LCOR: variants seen among roughly 807,000 people sequenced by gnomAD.
The protein encoded by LCOR is ligand dependent nuclear receptor corepressor, also known as ligand-dependent corepressor.
A neutral mutation model predicts 64.4 loss-of-function variants in LCOR; 14 were observed. That is an observed-to-expected ratio of 0.22 (90% CI 0.14 to 0.34). The LOEUF (loss-of-function observed/expected upper bound fraction) is 0.34. LCOR is among the 10% of genes least tolerant of loss of function. The pLI is 1.00. For synonymous variants in LCOR, 643 were observed against 642.5 expected (o/e 1.00, Z -0.01); for missense variants, 1,686 against 1,765.3 (o/e 0.96, Z 0.80).
In LCOR at chr10:96,983,454, C is replaced by T; in HGVS notation, c.2994C>T (p.Asn998=). ...CTGTGAATGAGGTAGACAACGAAAA[C>T]ACCCAGCAGAAAGATGATGAGAGTG... ...EEAVNEVDNE[N]TQQKDDESDA... Residue 998 remains asparagine, a synonymous_variant, in exon 8 of 8, where the codon AAC becomes AAT. Transcript: ENST00000421806. This position sits in a 1 kb window ranked among gnomAD's most constrained non-coding sequence, Gnocchi z 4.5. 10 of 1,614,116 alleles carry T rather than the reference C, an allele frequency of 6.2e-6. No individual in the cohort carries two copies. The highest frequency in any genetic ancestry group is 8.5e-6 in the Non-Finnish European group (10 of 1,180,026).
chr10:96,855,497 C>T (rs913521035), intron 2 of LCOR, among the ~76,000 whole-genome samples: 1 of 151,878 alleles, frequency 6.6e-6, no homozygotes, highest in African/African-American at 2.4e-5. Context: ...TGCAATGACG[C>T]GATCTTGGCT....
chr10:96,907,629 T>G, intron 3 of LCOR, 39 bp from the exon 4 acceptor site: 2 of 757,536 alleles, frequency 2.6e-6, no homozygotes, highest in Non-Finnish European at 3.2e-6. Context: ...TTCCTAAAAA[T>G]TCTCTTTTAT....
intron 4 of LCOR, among the ~76,000 whole-genome samples, chr10:96,931,611 T>G (rs1446490355): frequency 6.6e-6 from 1 of 152,178 alleles, no homozygotes; most frequent in Admixed American, 6.5e-5. Context: ...AAGAAATTAC[T>G]TAAAGGATAT....
chr10:96,856,622 T>A (rs945064836), intron 2 of LCOR, among the ~76,000 whole-genome samples: 1 of 152,024 alleles, frequency 6.6e-6, no homozygotes, highest in African/African-American at 2.4e-5. Flanking sequence ...ACCACAGGCA[T>A]GTACCATCAT....
chr10:96,915,242 C>A (rs540102608), intron 4 of LCOR, among the ~76,000 whole-genome samples: 1 of 152,152 alleles, frequency 6.6e-6, no homozygotes, highest in Admixed American at 6.5e-5. Context: ...GTAAATAAGC[C>A]GGGCACGGAG....
intron 2 of LCOR, among the ~76,000 whole-genome samples, chr10:96,887,621 A>G (rs868101339): frequency 1.3e-5 from 2 of 152,008 alleles, no homozygotes; most frequent in Non-Finnish European, 2.9e-5. Flanking sequence ...ATTCTATGCA[A>G]TGCAATGGAA....
intron 7 of LCOR, among the ~76,000 whole-genome samples, chr10:96,952,474 AATT>A (rs1847698228): frequency 6.6e-6 from 1 of 152,192 alleles, no homozygotes; most frequent in African/African-American, 2.4e-5. Context: ...ATACTCAAAT[AATT>A]CTAAAGTTTA....
intron 7 of LCOR, among the ~76,000 whole-genome samples, chr10:96,971,569 AACTACCTAATGCAGC>A (rs1847999824): frequency 6.6e-6 from 1 of 152,184 alleles, no homozygotes; most frequent in Non-Finnish European, 1.5e-5. Flanking sequence ...GTAGAGGAGA[AACTACCTAATGCAGC>A]ACCAGGGACA....
chr10:96,954,216 TACTCATGTATCTGCA>T (rs1202588356), intron 7 of LCOR, among the ~76,000 whole-genome samples: 5 of 152,206 alleles, frequency 3.3e-5, no homozygotes, highest in African/African-American at 1.2e-4. Context: ...AAAATCATGA[TACTCATGTATCTGCA>T]ACTAGTAGTG....
At chr10:96,841,956 C>G (rs934651715) in intron 2 of LCOR, among the ~76,000 whole-genome samples, 1 of 151,664 alleles carries the variant, frequency 6.6e-6, no homozygotes, top group African/African-American at 2.4e-5. Flanking sequence ...TGTTTTTGAT[C>G]TCATGATTAG....
intron 6 of LCOR, among the ~76,000 whole-genome samples, chr10:96,949,778 T>C (rs1847646782): frequency 6.6e-6 from 1 of 152,122 alleles, no homozygotes; most frequent in South Asian, 2.1e-4. Flanking sequence ...GGGTTACAAA[T>C]AGAGAAAGCA....
chr10:96,973,562 A>AT (rs762468815), intron 7 of LCOR, among the ~76,000 whole-genome samples: 3 of 152,158 alleles, frequency 2.0e-5, no homozygotes, highest in Non-Finnish European at 4.4e-5. Flanking sequence ...ACAATTTCAG[A>AT]TTATTGTCTG....
Position 96,982,639 on chromosome 10 carries a change from C to A in LCOR, c.2179C>A (p.Gln727Lys). The A allele has an allele frequency of 1.9e-6, 3 of 1,614,136 alleles. No homozygotes were observed. Among genetic ancestry groups the A allele is most frequent in the South Asian group, 2.2e-5 (2 of 91,076 alleles). ...GAGTCTGGGAAAGGCTGAGGACAAC[C>A]AAAGCATCAGTGCTGAGGTTGAGTC... is the stretch of plus-strand genomic sequence containing the variant. ...PMSLGKAEDNQSISAEVESGD... is the reference protein window; with the variant it reads ...PMSLGKAEDNKSISAEVESGD... Residue 727 changes from glutamine to lysine, a missense_variant, in exon 8 of 8, where the codon CAA (glutamine) becomes AAA (lysine). Transcript: ENST00000421806.
chr10:96,849,059 G>GTTTTTT (rs1564601890), intron 2 of LCOR, among the ~76,000 whole-genome samples: 2 of 21,782 alleles, frequency 9.2e-5, no homozygotes, highest in Non-Finnish European at 1.1e-4. Flanking sequence ...CTGGCTAATT[G>GTTTTTT]TCTTTTTTTT....
intron 2 of LCOR, among the ~76,000 whole-genome samples, chr10:96,847,048 G>A (rs1463618584): frequency 2.6e-5 from 4 of 152,062 alleles, no homozygotes; most frequent in Non-Finnish European, 4.4e-5. Context: ...TTCAAGACCA[G>A]CCTGTGCTGC....
At chr10:96,932,988 A>G (rs1847288341) in intron 4 of LCOR, among the ~76,000 whole-genome samples, 1 of 152,258 alleles carries the variant, frequency 6.6e-6, no homozygotes, top group Admixed American at 6.5e-5. Flanking sequence ...TAAAATGCAC[A>G]GTTATAGTAA....
In LCOR at chr10:96,887,420, G is replaced by A. The variant is rs1049837610; in HGVS notation, c.-329-19845G>A. Reference sequence around the variant, plus strand: ...CTACTAAAAATACAAAAAATTAGCCGGGCGTCGTGGCGGGCGCCTGTAGTC... The same window carrying A: ...CTACTAAAAATACAAAAAATTAGCCAGGCGTCGTGGCGGGCGCCTGTAGTC... On this transcript the variant is annotated intron_variant, in intron 2 of 7. Coordinates refer to ENST00000421806, the MANE Select transcript of LCOR (RefSeq NM_001346516.2). 5.3e-5 allele frequency among the ~76,000 whole-genome samples: 8 copies of A among 151,942 alleles called. No homozygotes were observed. The South Asian group carries it at 8.3e-4, about 16-fold the overall frequency.
chr10:96,882,649 C>CTA (rs1245173721), intron 2 of LCOR, among the ~76,000 whole-genome samples: 2 of 152,138 alleles, frequency 1.3e-5, no homozygotes, highest in East Asian at 3.8e-4. Flanking sequence ...GTTGTATATT[C>CTA]TATGGGTTTT....
chr10:96,933,180 G>A lies in LCOR; in HGVS notation c.-183-10933G>A, dbSNP rs561929226. Among the ~76,000 whole-genome samples the A allele has an allele frequency of 2.0e-5, 3 of 152,212 alleles. No individual in the cohort carries two copies. In the South Asian group the frequency reaches 6.2e-4, roughly 32 times the overall value. On this transcript the variant is annotated intron_variant, in intron 4 of 7. Coordinates refer to ENST00000421806, the MANE Select transcript of LCOR (RefSeq NM_001346516.2). ...ATATGTCTGCGTATGTGTTTTTTAGGGGAATATATCAAATGATTGGCAGTT... is the reference window on the plus strand; with the variant it reads ...ATATGTCTGCGTATGTGTTTTTTAGAGGAATATATCAAATGATTGGCAGTT...
Sources: gnomAD v4.1 joint callset for allele counts (sites outside exome capture counted in the v4.1 genomes callset) on GRCh38, gnomAD v4.1.1 for gene constraint, Gnocchi (gnomAD v3.1) non-coding constraint, MANE v1.5 for transcripts, NCBI Gene and HGNC (gene_info 2026-07-23, HGNC 2026-07-21) for gene names.